Variants in GLUD1 observed in about 807,000 individuals in gnomAD.
GLUD1 encodes the protein glutamate dehydrogenase 1, mitochondrial.
GLUD1 carries 22 observed loss-of-function variants against 56.0 expected under a neutral mutation model. That is an observed-to-expected ratio of 0.39 (90% CI 0.28 to 0.56). The LOEUF is 0.56. Ranked by LOEUF, GLUD1 falls within the 20% of genes least tolerant of loss-of-function variation. GLUD1 has a pLI of 0.58. For missense variants in GLUD1, 451 were observed against 732.0 expected (o/e 0.62, Z 4.43); for synonymous variants, 223 against 269.9 (o/e 0.83, Z 1.70).
chr10:87,091,526 T>C (rs1841509892), intron 1 of GLUD1: 1 of 474,532 alleles, frequency 2.1e-6, no homozygotes. Flanking sequence ...GCTGGAAATA[T>C]TTTTAAGGCC....
rs1215054814 is a variant in GLUD1, at chr10:87,091,860, GT to G, written c.445+2464del. On this transcript the variant is annotated intron_variant, in intron 1 of 12. Transcript: ENST00000277865. ...AAAAGGGTGGAGAGAGGCAGATGAG[GT>G]TTTTTTTTTTGGCAAAGAACCAATG... is the stretch of plus-strand genomic sequence containing the variant. 3.4e-4 allele frequency among the ~76,000 whole-genome samples: 49 copies of G among 145,636 alleles called. No homozygotes were observed. The South Asian group carries it at 3.9e-3, about 12-fold the overall frequency.
chr10:87,061,548 C>A (rs1845931101), intron 6 of GLUD1, among the ~76,000 whole-genome samples: 1 of 151,990 alleles, frequency 6.6e-6, no homozygotes, highest in African/African-American at 2.4e-5. Flanking sequence ...AGTACACCAC[C>A]AGGTCCTCAG....
intron 1 of GLUD1, among the ~76,000 whole-genome samples, chr10:87,080,163 C>T (rs1180475636): frequency 6.6e-6 from 1 of 152,028 alleles, no homozygotes; most frequent in African/African-American, 2.4e-5. Flanking sequence ...TGGTCTCCAG[C>T]TCCTAACCGC....
chr10:87,086,746 G>C lies in GLUD1; in HGVS notation c.445+7579C>G, dbSNP rs376659128. 2.7e-5 allele frequency among the ~76,000 whole-genome samples: 4 copies of C among 150,906 alleles called. No individual in the cohort carries two copies. The East Asian group carries it at 5.8e-4, about 22-fold the overall frequency. The stretch of plus-strand genomic sequence containing the variant: ...CTCAGGAGGCTGAGGCAGGAGAATG[G>C]CATCAACCCAGGAGGCGGAGCTTGC... On this transcript the variant is annotated intron_variant, in intron 1 of 12. Transcript: ENST00000277865.
rs750619831 is a variant in GLUD1 at position 87,051,864 on chromosome 10, T to C, written c.1564A>G (p.Met522Val). ...YTMERSARQI[M>V]RTAMKYNLGL... ...AGGTTATACTTCATGGCTGTGCGCA[T>C]AATTTGCTGAAATGAAAGAGAAAAT... The change falls in exon 13 of 13, where the codon ATG becomes GTG. Residue 522 changes from methionine to valine, a missense_variant. Physicochemically the swap from Met to Val is conservative, Grantham distance 21. This residue lies in a region of GLUD1 where 43 missense variants were observed against 61.6 expected (regional missense o/e 0.70). Coordinates refer to ENST00000277865, the MANE Select transcript of GLUD1 (RefSeq NM_005271.5). The C allele has an allele frequency of 3.1e-6, 5 of 1,614,078 alleles. 1 individual carries two copies. In the Admixed American group the frequency reaches 5.0e-5, roughly 16 times the overall value.
rs560356968 is a variant in GLUD1, at chr10:87,065,415, G to T, written c.742-2580C>A. On this transcript the variant is annotated intron_variant, in intron 5 of 12. Transcript: ENST00000277865. ...AGCCACTATGCCCAGCTGGTCTCTTGTTCTTTTTAAGCAAGACACTATATT... is the reference window on the plus strand; with the variant it reads ...AGCCACTATGCCCAGCTGGTCTCTTTTTCTTTTTAAGCAAGACACTATATT... Among the ~76,000 whole-genome samples, 5 of 151,780 alleles carry T rather than the reference G, an allele frequency of 3.3e-5. No individual in the cohort carries two copies. The South Asian group carries it at 1.0e-3, about 31-fold the overall frequency.
At chr10:87,057,624 C>T (rs1316258427) in intron 11 of GLUD1, 67 bp downstream of exon 11, 3 of 856,538 alleles carry the variant, frequency 3.5e-6, no homozygotes, top group South Asian at 2.6e-5. Context: ...ATCCATCTAA[C>T]CAGCTCTGTC....
intron 6 of GLUD1, 40 bp from the exon 7 acceptor site, chr10:87,061,092 C>T: frequency 1.9e-6 from 3 of 1,565,910 alleles, no homozygotes; most frequent in Non-Finnish European, 1.8e-6. Context: ...AATTAAAGTC[C>T]TGGTATAGAC....
chr10:87,061,888 A>T (rs1229951486), intron 6 of GLUD1, among the ~76,000 whole-genome samples: 1 of 152,008 alleles, frequency 6.6e-6, no homozygotes, highest in Non-Finnish European at 1.5e-5. Flanking sequence ...GGTTCAAGTG[A>T]TTCTCCTGCG....
chr10:87,068,913 T>C (rs973440982), intron 4 of GLUD1, among the ~76,000 whole-genome samples: 1 of 151,000 alleles, frequency 6.6e-6, no homozygotes, highest in African/African-American at 2.4e-5. Context: ...GGTGCAGAAA[T>C]ACTCCTCTCA....
intron 5 of GLUD1, among the ~76,000 whole-genome samples, chr10:87,065,358 C>A (rs1161593604): frequency 1.3e-5 from 2 of 151,782 alleles, no homozygotes; most frequent in African/African-American, 2.4e-5. Context: ...CCACCTGCTT[C>A]CGCCTCCCAA....
At chr10:87,059,354 A>G in intron 9 of GLUD1, 81 bp from the exon 10 acceptor site, 1 of 1,337,818 alleles carries the variant, frequency 7.5e-7, no homozygotes. Flanking sequence ...CCTTAATTTC[A>G]ATACCAAGGT....
chr10:87,087,864 T>C (rs1289374957), intron 1 of GLUD1, among the ~76,000 whole-genome samples: 2 of 152,132 alleles, frequency 1.3e-5, no homozygotes, highest in Non-Finnish European at 2.9e-5. Flanking sequence ...GCTGATCACA[T>C]GAGGTCGGGA....
chr10:87,082,782 T>C (rs1841292203), intron 1 of GLUD1, among the ~76,000 whole-genome samples: 1 of 152,204 alleles, frequency 6.6e-6, no homozygotes, highest in Non-Finnish European at 1.5e-5. Flanking sequence ...TAAAATACTC[T>C]GCAGCAATAC....
At chr10:87,070,383 G>A (rs1054415969) in intron 4 of GLUD1, among the ~76,000 whole-genome samples, 1 of 151,760 alleles carries the variant, frequency 6.6e-6, no homozygotes, top group Non-Finnish European at 1.5e-5. Flanking sequence ...GGCTGATCAC[G>A]AGGTCAAGAG....
In GLUD1 at chr10:87,073,881, A is replaced by C. The variant is rs1846308790; in HGVS notation, c.646+670T>G. ...CGTGATCCACCTGCCTCGGCCTCTCAAAGTGCTGGGATTACAGGTGTGAGC... is the reference window on the plus strand; with the variant it reads ...CGTGATCCACCTGCCTCGGCCTCTCCAAGTGCTGGGATTACAGGTGTGAGC... On this transcript the variant is annotated intron_variant, in intron 4 of 12. Coordinates refer to ENST00000277865, the MANE Select transcript of GLUD1 (RefSeq NM_005271.5). Among the ~76,000 whole-genome samples the C allele has an allele frequency of 3.3e-5, 5 of 152,082 alleles. No homozygotes were observed. The South Asian group carries it at 8.3e-4, about 25-fold the overall frequency.
chr10:87,069,474 C>A (rs1026572410), intron 4 of GLUD1, among the ~76,000 whole-genome samples: 6 of 144,754 alleles, frequency 4.1e-5, no homozygotes, highest in African/African-American at 1.6e-4. Flanking sequence ...AAGATCGCGC[C>A]AGTGCACTCT....
At chr10:87,089,693 C>A (rs868191924) in intron 1 of GLUD1, 6 of 981,740 alleles carry the variant, frequency 6.1e-6, no homozygotes, top group Middle Eastern at 5.2e-4. Flanking sequence ...GTCTTCTTGT[C>A]CTTAATAAAG....
chr10:87,074,487 C>G (rs989868677), intron 4 of GLUD1, 64 bp downstream of exon 4: 4 of 762,564 alleles, frequency 5.2e-6, no homozygotes, highest in African/African-American at 1.9e-5. Context: ...GACTCCGTCT[C>G]AAAAAAAAAA....
Sources: gnomAD v4.1 joint callset for allele counts (sites outside exome capture counted in the v4.1 genomes callset) on GRCh38, gnomAD v4.1.1 for gene constraint, gnomAD v4.1.1 regional missense constraint, MANE v1.5 for transcripts, NCBI Gene and HGNC (gene_info 2026-07-23, HGNC 2026-07-21) for gene names.